CDH12: variants seen among roughly 807,000 people sequenced by gnomAD.
CDH12 encodes the protein cadherin 12.
Under a neutral mutation model 74.1 loss-of-function variants are expected in CDH12, and 41 were observed. The ratio of observed to expected loss-of-function variants is 0.55; its 90% CI spans 0.43 to 0.72. The LOEUF is 0.72. Among genes scored for constraint, CDH12 ranks in the 30% least tolerant of loss-of-function variants. The pLI, the probability that CDH12 is intolerant of heterozygous loss-of-function variation, is 0.00. For synonymous variants in CDH12, 399 were observed against 355.0 expected, an observed-to-expected ratio of 1.12 and a Z score of -1.39; for missense variants, 945 against 977.2, an observed-to-expected ratio of 0.97 and a Z score of 0.44.
chr5:22,652,366 C>T (rs1402651622), intron 1 of CDH12, among the ~76,000 whole-genome samples: 1 of 152,086 alleles, frequency 6.6e-6, no homozygotes, highest in African/African-American at 2.4e-5. Flanking sequence ...TTCTGTAGCC[C>T]TCTGTTATCA....
intron 3 of CDH12, among the ~76,000 whole-genome samples, chr5:22,362,017 T>C (rs1198168651): frequency 6.6e-6 from 1 of 152,142 alleles, no homozygotes; most frequent in African/African-American, 2.4e-5. Context: ...GACACAGGCA[T>C]GGGCAAGGAC....
intron 6 of CDH12, among the ~76,000 whole-genome samples, chr5:21,928,569 C>T (rs1456647214): frequency 6.6e-6 from 1 of 152,152 alleles, no homozygotes; most frequent in Non-Finnish European, 1.5e-5. Context: ...AGAAAATATG[C>T]AGTGATGTAT....
At chr5:22,140,643 T>C (rs929017456) in intron 4 of CDH12, among the ~76,000 whole-genome samples, 4 of 152,162 alleles carry the variant, frequency 2.6e-5, no homozygotes, top group Non-Finnish European at 4.4e-5. Flanking sequence ...AATTGAATCA[T>C]ATCCTGAGCC....
At chr5:22,732,566 C>A (rs2127005640) in intron 1 of CDH12, among the ~76,000 whole-genome samples, 1 of 151,646 alleles carries the variant, frequency 6.6e-6, no homozygotes, top group South Asian at 2.1e-4. Context: ...TTAGTTGCTG[C>A]AGATGCAGTG....
chr5:22,146,798 A>G (rs1747215041), intron 4 of CDH12, among the ~76,000 whole-genome samples: 1 of 152,152 alleles, frequency 6.6e-6, no homozygotes, highest in Admixed American at 6.6e-5. Flanking sequence ...CTCTTAAAGT[A>G]AGCCATGCTG....
chr5:22,802,119 A>ATTTTTT (rs397883677), intron 1 of CDH12, among the ~76,000 whole-genome samples: 2 of 123,558 alleles, frequency 1.6e-5, no homozygotes, highest in African/African-American at 3.1e-5. Context: ...TTAAATTCGT[A>ATTTTTT]TTTTTTTTTT....
chr5:22,642,531 T>C (rs1339705355), intron 1 of CDH12, among the ~76,000 whole-genome samples: 1 of 152,188 alleles, frequency 6.6e-6, no homozygotes, highest in Non-Finnish European at 1.5e-5. Context: ...AAAGAATAAA[T>C]TGTATTACAC....
chr5:22,581,321 C>T (rs1740092596), intron 1 of CDH12, among the ~76,000 whole-genome samples: 1 of 152,204 alleles, frequency 6.6e-6, no homozygotes, highest in African/African-American at 2.4e-5. Context: ...TGAAAGGGGC[C>T]AATATAGAGC....
intron 5 of CDH12, among the ~76,000 whole-genome samples, chr5:22,008,203 A>C (rs1209658214): frequency 1.3e-5 from 2 of 151,766 alleles, no homozygotes; most frequent in Non-Finnish European, 2.9e-5. Context: ...TTATAAAAGC[A>C]CTTAGAATTC....
chr5:21,765,726 C>T (rs1204737610), intron 11 of CDH12, among the ~76,000 whole-genome samples: 1 of 152,054 alleles, frequency 6.6e-6, no homozygotes, highest in African/African-American at 2.4e-5. Context: ...TTCCTAGTAT[C>T]AGAAAGACTG....
intron 1 of CDH12, among the ~76,000 whole-genome samples, chr5:22,645,304 A>G (rs1267442203): frequency 2.0e-5 from 3 of 151,888 alleles, no homozygotes; most frequent in Non-Finnish European, 4.4e-5. Flanking sequence ...ATTAATTCCA[A>G]CTCTTCTGTA....
At chr5:22,825,495 T>C (rs536504474) in intron 1 of CDH12, among the ~76,000 whole-genome samples, 2 of 152,166 alleles carry the variant, frequency 1.3e-5, no homozygotes, top group Non-Finnish European at 2.9e-5. Context: ...GAAGAGTAAA[T>C]AGCAAAAAGC....
intron 3 of CDH12, among the ~76,000 whole-genome samples, chr5:22,301,916 A>C (rs1337433158): frequency 6.6e-6 from 1 of 151,710 alleles, no homozygotes; most frequent in Non-Finnish European, 1.5e-5. Context: ...CAATCTGCCC[A>C]CTTCAGCCTC....
intron 5 of CDH12, among the ~76,000 whole-genome samples, chr5:22,037,631 A>C (rs1033543104): frequency 6.6e-6 from 1 of 152,174 alleles, no homozygotes; most frequent in African/African-American, 2.4e-5. Flanking sequence ...AATTTTTTAC[A>C]GCAGCTATAG....
chr5:21,772,165 T>A (rs1177315519), intron 11 of CDH12, among the ~76,000 whole-genome samples: 1 of 152,168 alleles, frequency 6.6e-6, no homozygotes, highest in Non-Finnish European at 1.5e-5. Flanking sequence ...GTAACCAACA[T>A]AAATTTTCAA....
intron 10 of CDH12, among the ~76,000 whole-genome samples, chr5:21,785,880 TA>T (rs1746169778): frequency 1.3e-5 from 2 of 152,166 alleles, no homozygotes; most frequent in South Asian, 4.1e-4. Flanking sequence ...CAACAGATTT[TA>T]AATGTATACA....
intron 1 of CDH12, among the ~76,000 whole-genome samples, chr5:22,647,273 T>C (rs1186981411): frequency 4.0e-5 from 6 of 151,802 alleles, no homozygotes; most frequent in Admixed American, 3.9e-4. Context: ...CTTAGGTAGG[T>C]AAGGACTGGC....
intron 1 of CDH12, among the ~76,000 whole-genome samples, chr5:22,613,858 G>T (rs949229176): frequency 3.3e-5 from 5 of 151,964 alleles, no homozygotes; most frequent in African/African-American, 9.7e-5. Flanking sequence ...ATTCCCAAAT[G>T]CTAGATTGTA....
chr5:21,838,621 G>C (rs1036955202), intron 8 of CDH12, among the ~76,000 whole-genome samples: 1 of 151,982 alleles, frequency 6.6e-6, no homozygotes, highest in Admixed American at 6.6e-5. Flanking sequence ...TTTTTTGCAA[G>C]TACATCTCAG....
Sources: allele counts gnomAD v4.1 joint callset (sites outside exome capture counted in the v4.1 genomes callset), GRCh38; gene constraint gnomAD v4.1.1; transcripts MANE v1.5; gene names NCBI Gene and HGNC (gene_info 2026-07-23, HGNC 2026-07-21).